Variants in ROBO2 observed in about 807,000 individuals in gnomAD.
ROBO2 encodes roundabout guidance receptor 2.
In ROBO2, 53 loss-of-function variants were observed where a neutral mutation model predicts 160.8. The observed-to-expected ratio is 0.33, with a 90% CI of 0.26 to 0.41. ROBO2 has a LOEUF of 0.41. Among genes scored for constraint, ROBO2 ranks in the 10% least tolerant of loss-of-function variants. ROBO2 has a pLI of 1.00. For missense variants in ROBO2, 1,577 were observed against 1,722.4 expected, an observed-to-expected ratio of 0.92 and a Z score of 1.49; for synonymous variants, 664 against 611.7, an observed-to-expected ratio of 1.09 and a Z score of -1.26.
intron 2 of ROBO2, among the ~76,000 whole-genome samples, chr3:76,076,143 T>G (rs1212594931): frequency 6.6e-6 from 1 of 152,216 alleles, no homozygotes; most frequent in Non-Finnish European, 1.5e-5. Flanking sequence ...CAATGTTGGT[T>G]ATAGGTGGGG....
intron 21 of ROBO2, among the ~76,000 whole-genome samples, chr3:77,615,610 C>T (rs1266214441): frequency 6.6e-6 from 1 of 152,090 alleles, no homozygotes; most frequent in Non-Finnish European, 1.5e-5. Context: ...TTTTTTAGAC[C>T]TTTCACTTGG....
intron 2 of ROBO2, among the ~76,000 whole-genome samples, chr3:75,975,021 A>G (rs529798210): frequency 4.0e-5 from 6 of 150,690 alleles, no homozygotes; most frequent in Non-Finnish European, 5.9e-5. Context: ...AACTATAATA[A>G]TCTTTTTCAC....
intron 2 of ROBO2, among the ~76,000 whole-genome samples, chr3:76,476,012 G>A (rs1444037239): frequency 6.6e-6 from 1 of 152,132 alleles, no homozygotes; most frequent in Non-Finnish European, 1.5e-5. Context: ...AATTAGCCAG[G>A]TGTGCTGGTG....
intron 2 of ROBO2, among the ~76,000 whole-genome samples, chr3:77,349,207 G>A (rs1340665067): frequency 6.6e-6 from 1 of 152,098 alleles, no homozygotes; most frequent in East Asian, 1.9e-4. Flanking sequence ...TTGATAGATG[G>A]TATGTTTTGG....
intron 2 of ROBO2, among the ~76,000 whole-genome samples, chr3:76,739,048 G>T (rs1356943171): frequency 6.6e-6 from 1 of 152,078 alleles, no homozygotes; most frequent in East Asian, 1.9e-4. Context: ...CAGAAATGGT[G>T]GGTACAGATT....
intron 2 of ROBO2, among the ~76,000 whole-genome samples, chr3:77,293,082 A>T (rs2061514779): frequency 6.6e-6 from 1 of 151,384 alleles, no homozygotes. Context: ...CTAAAGACAT[A>T]AAGTAAAATT....
intron 2 of ROBO2, among the ~76,000 whole-genome samples, chr3:77,260,216 T>C (rs558719709): frequency 1.8e-4 from 27 of 152,218 alleles, no homozygotes; most frequent in African/African-American, 5.5e-4. Flanking sequence ...ATTTGTGAGT[T>C]TTGGGGGGAA....
intron 6 of ROBO2, among the ~76,000 whole-genome samples, chr3:77,540,877 A>G (rs898174767): frequency 3.3e-5 from 5 of 152,184 alleles, no homozygotes; most frequent in African/African-American, 1.2e-4. Flanking sequence ...TTTAACACAA[A>G]CCCTAGCACA....
intron 2 of ROBO2, among the ~76,000 whole-genome samples, chr3:76,612,057 C>T (rs2088170614): frequency 2.6e-5 from 4 of 152,146 alleles, no homozygotes; most frequent in Admixed American, 2.6e-4. Flanking sequence ...CATGTTTGTG[C>T]AGTTAACAAA....
chr3:76,410,023 A>G (rs545925435), intron 2 of ROBO2, among the ~76,000 whole-genome samples: 7 of 152,104 alleles, frequency 4.6e-5, no homozygotes, highest in African/African-American at 1.4e-4. Flanking sequence ...AGAAGACCGG[A>G]CAAAAGGCAA....
At chr3:76,028,071 G>A (rs1440974640) in intron 2 of ROBO2, among the ~76,000 whole-genome samples, 2 of 151,890 alleles carry the variant, frequency 1.3e-5, no homozygotes, top group Non-Finnish European at 2.9e-5. Context: ...AAGGAAGTTA[G>A]CTTTTAGATG....
chr3:76,196,248 A>C (rs2107217223), intron 2 of ROBO2, among the ~76,000 whole-genome samples: 1 of 152,310 alleles, frequency 6.6e-6, no homozygotes, highest in East Asian at 1.9e-4. Context: ...ACTGACTTAA[A>C]GTCTAACAGC....
intron 2 of ROBO2, among the ~76,000 whole-genome samples, chr3:75,976,756 A>G (rs964726590): frequency 4.2e-4 from 63 of 151,528 alleles, no homozygotes; most frequent in African/African-American, 1.5e-3. Context: ...TGTGTAATAT[A>G]CGGAAGAGGA....
At chr3:76,603,108 G>C (rs1333561410) in intron 2 of ROBO2, among the ~76,000 whole-genome samples, 3 of 151,568 alleles carry the variant, frequency 2.0e-5, no homozygotes, top group Non-Finnish European at 4.4e-5. Context: ...GAGGCGGGCA[G>C]ATCATGAGGT....
intron 2 of ROBO2, among the ~76,000 whole-genome samples, chr3:76,906,864 T>C (rs922280118): frequency 6.6e-5 from 10 of 152,328 alleles, no homozygotes; most frequent in South Asian, 6.2e-4. Flanking sequence ...ACTACAAATA[T>C]ATTAAATGAC....
intron 2 of ROBO2, among the ~76,000 whole-genome samples, chr3:76,978,944 T>TA (rs879743178): frequency 1.6e-4 from 22 of 141,486 alleles, no homozygotes; most frequent in Non-Finnish European, 2.3e-4. Flanking sequence ...GTTTGTTTTT[T>TA]AAAAAAAAAA....
At chr3:77,529,016 G>C (rs1429666245) in intron 6 of ROBO2, among the ~76,000 whole-genome samples, 2 of 151,496 alleles carry the variant, frequency 1.3e-5, no homozygotes, top group Admixed American at 6.6e-5. Flanking sequence ...AGAAAGAGCT[G>C]ATGGTAGAAT....
At chr3:77,527,951 G>C (rs2091323062) in intron 6 of ROBO2, among the ~76,000 whole-genome samples, 2 of 151,552 alleles carry the variant, frequency 1.3e-5, no homozygotes, top group Admixed American at 1.3e-4. Flanking sequence ...CTTACCCTAA[G>C]TGGGGGAGGG....
At chr3:77,105,588 G>C (rs1374018165) in intron 2 of ROBO2, among the ~76,000 whole-genome samples, 2 of 152,172 alleles carry the variant, frequency 1.3e-5, no homozygotes, top group Non-Finnish European at 2.9e-5. Context: ...CTTCACAAAT[G>C]AAGGTGTGAA....
Sources: allele counts gnomAD v4.1 joint callset (sites outside exome capture counted in the v4.1 genomes callset), GRCh38; gene constraint gnomAD v4.1.1; transcripts MANE v1.5; gene names NCBI Gene and HGNC (gene_info 2026-07-23, HGNC 2026-07-21).